RIMS2: variants seen among roughly 807,000 people sequenced by gnomAD.
RIMS2 encodes the protein regulating synaptic membrane exocytosis protein 2.
A neutral mutation model predicts 174.4 loss-of-function variants in RIMS2; 59 were observed. The observed-to-expected ratio is 0.34, with a 90% CI of 0.27 to 0.42. The LOEUF is 0.42. Ranked by LOEUF, RIMS2 falls within the 10% of genes least tolerant of loss-of-function variation. RIMS2 has a pLI of 1.00. For synonymous variants in RIMS2, 606 were observed against 572.5 expected (o/e 1.06, Z -0.84); for missense variants, 1,620 against 1,666.3 (o/e 0.97, Z 0.48).
At chr8:103,802,896 C>A (rs554509999) in intron 3 of RIMS2, among the ~76,000 whole-genome samples, 60 of 152,292 alleles carry the variant, frequency 3.9e-4, no homozygotes, top group African/African-American at 1.3e-3. Flanking sequence ...GATGAAGATA[C>A]ATTTTCCTAT....
At chr8:103,841,732 C>A (rs1392409700) in intron 3 of RIMS2, among the ~76,000 whole-genome samples, 1 of 151,972 alleles carries the variant, frequency 6.6e-6, no homozygotes, top group East Asian at 1.9e-4. Context: ...TTGAGGATTG[C>A]CATTAAGAAA....
chr8:104,195,963 G>T (rs1243655707), intron 19 of RIMS2, among the ~76,000 whole-genome samples: 1 of 152,094 alleles, frequency 6.6e-6, no homozygotes, highest in Non-Finnish European at 1.5e-5. Context: ...CATAGTTGTA[G>T]AGATAAAATG....
chr8:103,689,138 A>G (rs898229089), intron 1 of RIMS2, among the ~76,000 whole-genome samples: 1 of 151,908 alleles, frequency 6.6e-6, no homozygotes, highest in Non-Finnish European at 1.5e-5. Context: ...ATATTGTTTA[A>G]CTTCCATGTG....
chr8:103,784,495 A>C (rs1416964527), intron 3 of RIMS2, among the ~76,000 whole-genome samples: 2 of 97,152 alleles, frequency 2.1e-5, no homozygotes, highest in Admixed American at 1.2e-4. Flanking sequence ...ATGGCTAGCC[A>C]GTTTTCCCAG....
chr8:103,658,930 GA>G (rs2096563881), intron 1 of RIMS2, among the ~76,000 whole-genome samples: 2 of 152,164 alleles, frequency 1.3e-5, no homozygotes, highest in Non-Finnish European at 2.9e-5. Flanking sequence ...GATCAAAGGT[GA>G]AATTTAAAAA....
chr8:103,649,487 G>T lies in RIMS2; in HGVS notation c.177-47599G>T, dbSNP rs142096575. ...ATTTCCTGGATTTGAATGTTGGCCT[G>T]TCTTTCTCTGTTGGGGAAGTTCTCC... On this transcript the variant is annotated intron_variant, in intron 1 of 23. Transcript: ENST00000504942. Among the ~76,000 whole-genome samples the T allele has an allele frequency of 3.5e-3, 537 of 152,176 alleles. 8 individuals are homozygous for T. Among genetic ancestry groups the T allele is most frequent in the Admixed American group, 6.4e-3 (97 of 15,274 alleles).
intron 19 of RIMS2, among the ~76,000 whole-genome samples, chr8:104,018,152 A>T (rs914391776): frequency 2.0e-5 from 3 of 152,350 alleles, no homozygotes; most frequent in Non-Finnish European, 2.9e-5. Context: ...ATTGAAGAGT[A>T]ACAGATATAC....
chr8:104,168,987 G>A (rs919123271), intron 19 of RIMS2, among the ~76,000 whole-genome samples: 1 of 151,908 alleles, frequency 6.6e-6, no homozygotes, highest in Non-Finnish European at 1.5e-5. Context: ...CTGCATCCCC[G>A]TTATGAAACC....
intron 17 of RIMS2, among the ~76,000 whole-genome samples, chr8:104,006,241 G>T (rs1255035210): frequency 6.6e-6 from 1 of 151,856 alleles, no homozygotes; most frequent in Non-Finnish European, 1.5e-5. Flanking sequence ...GCAAATTACT[G>T]TTGAAATTGT....
chr8:103,700,638 A>T (rs568450922), intron 2 of RIMS2, among the ~76,000 whole-genome samples: 1 of 151,494 alleles, frequency 6.6e-6, no homozygotes, highest in South Asian at 2.1e-4. Flanking sequence ...GTGATTATTG[A>T]TATGGTTTCA....
At chr8:103,623,572 C>A (rs2095693684) in intron 1 of RIMS2, among the ~76,000 whole-genome samples, 1 of 149,210 alleles carries the variant, frequency 6.7e-6, no homozygotes, top group African/African-American at 2.5e-5. Context: ...GCAAGCTCCG[C>A]CTCCCGGGTT....
chr8:103,998,917 G>A (rs17817861), intron 17 of RIMS2, among the ~76,000 whole-genome samples: 19,715 of 151,654 alleles, frequency 0.13, 1,718 homozygotes, highest in Non-Finnish European at 0.19. Context: ...CAGTTACCTG[G>A]CATATAATAG....
At position 104,072,899 on chromosome 8, in the gene RIMS2, C is replaced by T. The variant is rs371565030; in HGVS notation, c.3334+58284C>T. On this transcript the variant is annotated intron_variant, in intron 19 of 23. Coordinates refer to ENST00000504942, the Ensembl canonical transcript of RIMS2. ...TTAATAAGAGCAGCAAAGGCATGTACAGACATGATTTCTAGTTAATCAGTG... is the reference window on the plus strand; with the variant it reads ...TTAATAAGAGCAGCAAAGGCATGTATAGACATGATTTCTAGTTAATCAGTG... Among the ~76,000 whole-genome samples the T allele has an allele frequency of 3.0e-4, 46 of 152,244 alleles. 1 individual carries two copies. The East Asian group carries it at 4.0e-3, about 13-fold the overall frequency.
chr8:104,012,006 A>G lies in RIMS2; in HGVS notation c.3045-1436A>G, dbSNP rs1055500656. On this transcript the variant is annotated intron_variant, in intron 17 of 23. Coordinates refer to ENST00000504942, the Ensembl canonical transcript of RIMS2. ...AAACAAAAAGACAGCTGTGATATTT[A>G]CACTATGAGGTTACCTTTTCATTTC... Among the ~76,000 whole-genome samples the G allele has an allele frequency of 1.2e-4, 19 of 152,144 alleles. No individual in the cohort carries two copies. In the East Asian group the frequency reaches 3.7e-3, roughly 29 times the overall value.
chr8:104,045,572 C>T (rs2096679441), intron 19 of RIMS2, among the ~76,000 whole-genome samples: 1 of 151,812 alleles, frequency 6.6e-6, no homozygotes, highest in Non-Finnish European at 1.5e-5. Flanking sequence ...TTTAGAGCAT[C>T]TGACAAGATT....
chr8:103,814,640 TGAG>T (rs1373851508), intron 3 of RIMS2, among the ~76,000 whole-genome samples: 1 of 152,022 alleles, frequency 6.6e-6, no homozygotes, highest in Admixed American at 6.6e-5. Flanking sequence ...TTTGGGAGGC[TGAG>T]GAGGGAGGAT....
At chr8:104,034,986 G>A (rs985636808) in intron 19 of RIMS2, among the ~76,000 whole-genome samples, 2 of 152,060 alleles carry the variant, frequency 1.3e-5, no homozygotes, top group African/African-American at 4.8e-5. Context: ...CCTTAAATTA[G>A]AAGTTCTTCA....
At chr8:104,190,935 G>GTT (rs57373743) in intron 19 of RIMS2, among the ~76,000 whole-genome samples, 1 of 144,518 alleles carries the variant, frequency 6.9e-6, no homozygotes, top group South Asian at 2.2e-4. Context: ...CTCTTTTTTT[G>GTT]TTTTTTTTTT....
intron 3 of RIMS2, among the ~76,000 whole-genome samples, chr8:103,789,523 TAATG>T (rs1302475538): frequency 6.6e-6 from 1 of 152,104 alleles, no homozygotes; most frequent in African/African-American, 2.4e-5. Context: ...TGTAACCTAA[TAATG>T]GGAGTGATAT....
Sources: allele counts gnomAD v4.1 joint callset (sites outside exome capture counted in the v4.1 genomes callset), GRCh38; gene constraint gnomAD v4.1.1; transcripts MANE v1.5; gene names NCBI Gene and HGNC (gene_info 2026-07-23, HGNC 2026-07-21).